Variants in ALMS1 observed in about 807,000 individuals in gnomAD.
ALMS1 encodes the protein centrosome-associated protein ALMS1.
In ALMS1, 271 loss-of-function variants were observed where a neutral mutation model predicts 352.2. The observed-to-expected ratio is 0.77, with a 90% confidence interval of 0.70 to 0.85. The LOEUF is 0.85. Among genes scored for constraint, ALMS1 ranks in the 40% least tolerant of loss-of-function variants. The pLI, the probability that ALMS1 is intolerant of heterozygous loss-of-function variation, is 0.00. For missense variants in ALMS1, 5,445 were observed against 4,870.7 expected, an observed-to-expected ratio of 1.12 and a Z score of -3.51; for synonymous variants, 1,865 against 1,761.2, an observed-to-expected ratio of 1.06 and a Z score of -1.48.
chr2:73,605,313 G>GT (rs1187657154), intron 21 of ALMS1, among the ~76,000 whole-genome samples: 1 of 152,176 alleles, frequency 6.6e-6, no homozygotes, highest in Non-Finnish European at 1.5e-5. Context: ...GAGATAAGCG[G>GT]TGGCATTAAC....
In ALMS1 at chr2:73,550,366, T is replaced by G; in HGVS notation, c.10007T>G (p.Ile3336Ser). 6.2e-7 allele frequency: 1 copy of G among 1,614,156 alleles called. No individual in the cohort carries two copies. The highest frequency in any genetic ancestry group is 8.5e-7 in the Non-Finnish European group (1 of 1,180,024). ...GTTAACATTAAACATAAAGAAGGAA[T>G]CTACAGTAAGAGGGTAGTGACTAAG... is the stretch of plus-strand genomic sequence containing the variant. ...ATVNIKHKEG[I>S]YSKRVVTKAS... Residue 3336 changes from isoleucine (I) to serine (S), a missense_variant, in exon 13 of 23, where the codon ATC becomes AGC. Coordinates refer to ENST00000613296, the MANE Select transcript of ALMS1 (RefSeq NM_001378454.1).
chr2:73,505,073 A>C (rs963643289), intron 10 of ALMS1, among the ~76,000 whole-genome samples: 1 of 152,170 alleles, frequency 6.6e-6, no homozygotes, highest in Non-Finnish European at 1.5e-5. Context: ...TTATGGCTGC[A>C]TAGTATTCCA....
At chr2:73,522,184 C>T (rs1181341907) in intron 11 of ALMS1, among the ~76,000 whole-genome samples, 1 of 152,166 alleles carries the variant, frequency 6.6e-6, no homozygotes, top group Non-Finnish European at 1.5e-5. Context: ...GTCTCAGGTC[C>T]ATCGCCATGT....
chr2:73,590,167 T>TATACAAAC (rs1332966613), intron 16 of ALMS1, among the ~76,000 whole-genome samples: 5 of 152,164 alleles, frequency 3.3e-5, no homozygotes, highest in African/African-American at 1.2e-4. Context: ...TACATTCGTT[T>TATACAAAC]GTTCATTCAT....
In ALMS1 at chr2:73,410,583, G is replaced by T. The variant is rs946149891; in HGVS notation, c.450+1836G>T. Among the ~76,000 whole-genome samples the T allele has an allele frequency of 2.6e-5, 4 of 152,210 alleles. No individual in the cohort carries two copies. The South Asian group carries it at 8.3e-4, about 32-fold the overall frequency. ...TTCATTTGTTGGGATGTATTGTTTTGGTTGAAGTATATGAAGACAATCTTG... is the reference window on the plus strand; with the variant it reads ...TTCATTTGTTGGGATGTATTGTTTTTGTTGAAGTATATGAAGACAATCTTG... On this transcript the variant is annotated intron_variant, in intron 2 of 22. Transcript: ENST00000613296.
intron 13 of ALMS1, among the ~76,000 whole-genome samples, chr2:73,553,392 A>G (rs556958263): frequency 6.6e-6 from 1 of 152,200 alleles, no homozygotes; most frequent in Non-Finnish European, 1.5e-5. Context: ...GCGGTGGTAC[A>G]CAAGGCCTAG....
chr2:73,405,891 A>G (rs923238655), intron 1 of ALMS1, among the ~76,000 whole-genome samples: 14 of 152,198 alleles, frequency 9.2e-5, no homozygotes, highest in Admixed American at 7.2e-4. Context: ...GCTACCTTCT[A>G]GTTTCATTCT....
intron 2 of ALMS1, among the ~76,000 whole-genome samples, chr2:73,415,185 G>A (rs1272646806): frequency 6.6e-6 from 1 of 152,046 alleles, no homozygotes; most frequent in Non-Finnish European, 1.5e-5. Flanking sequence ...AGATTTGTTG[G>A]CCTTTTTATA....
Position 73,386,328 on chromosome 2 carries a change from A to G in ALMS1, c.324+136A>G, listed in dbSNP as rs1670530277. 2.4e-6 allele frequency: 3 copies of G among 1,243,982 alleles called. No individual in the cohort carries two copies. The Admixed American group carries it at 9.8e-5, about 40-fold the overall frequency. 77.1% of individuals were successfully genotyped at this position (1,243,982 alleles called of 1,614,324 possible). ...CAGCTGAGGCTAGTAGGCGGCCCAG[A>G]CTCCAGCCCAGGTGCCGGCCGGCTG... On this transcript the variant is annotated intron_variant, in intron 1 of 22. Coordinates refer to ENST00000613296, the MANE Select transcript of ALMS1 (RefSeq NM_001378454.1).
chr2:73,424,640 G>C lies in ALMS1; in HGVS notation c.975G>C (p.Ser325=). Reference sequence around the variant, plus strand: ...AAGGGAATAATGAAGAGACTATTTCGTCTGTTGATGAACTGAAAATTCCCA... The same window carrying C: ...AAGGGAATAATGAAGAGACTATTTCCTCTGTTGATGAACTGAAAATTCCCA... The part of the protein sequence containing the change: ...SEQGNNEETI[S]SVDELKIPKD... Residue 325 remains serine, a synonymous_variant, in exon 5 of 23, where the codon TCG becomes TCC. Transcript: ENST00000613296. 1 of 1,613,948 alleles carries C rather than the reference G, an allele frequency of 6.2e-7. No homozygotes were observed. The highest frequency in any genetic ancestry group is 1.6e-4 in the Middle Eastern group (1 of 6,062).
chr2:73,606,638 C>A (rs1339174754), intron 21 of ALMS1, among the ~76,000 whole-genome samples: 1 of 152,162 alleles, frequency 6.6e-6, no homozygotes, highest in Non-Finnish European at 1.5e-5. Context: ...TGTGTGGCCT[C>A]TTTTCAAGGG....
intron 12 of ALMS1, among the ~76,000 whole-genome samples, chr2:73,546,204 C>T (rs1246314692): frequency 6.6e-6 from 1 of 152,180 alleles, no homozygotes; most frequent in African/African-American, 2.4e-5. Context: ...TGTATCTCTA[C>T]TTTAGTGAAA....
chr2:73,466,392 C>A (rs1004278879), intron 9 of ALMS1, among the ~76,000 whole-genome samples: 2 of 150,074 alleles, frequency 1.3e-5, no homozygotes, highest in African/African-American at 4.9e-5. Flanking sequence ...GGACAAAAAA[C>A]CAAACACCAC....
rs1572937937 is a variant in ALMS1, at chr2:73,453,050, G to A, written c.6523G>A (p.Ala2175Thr). Residue 2175 changes from alanine (A) to threonine (T), a missense_variant, in exon 8 of 23, where the codon GCT becomes ACT. Transcript: ENST00000613296. ...AAAGATCTCAAGTGCTCTTGGGCAAGCTGATCAAATTACCGGATTACAAAC... is the reference window on the plus strand; with the variant it reads ...AAAGATCTCAAGTGCTCTTGGGCAAACTGATCAAATTACCGGATTACAAAC... ...ALKISSALGQ[A>T]DQITGLQTVP... 6.2e-7 allele frequency: 1 copy of A among 1,613,824 alleles called. No homozygotes were observed. Among genetic ancestry groups the A allele is most frequent in the African/African-American group, 1.3e-5 (1 of 75,064 alleles).
At chr2:73,392,203 T>C (rs949410188) in intron 1 of ALMS1, among the ~76,000 whole-genome samples, 1 of 151,848 alleles carries the variant, frequency 6.6e-6, no homozygotes, top group Admixed American at 6.6e-5. Flanking sequence ...TTAAAAATTA[T>C]TAATTTTAAT....
intron 12 of ALMS1, among the ~76,000 whole-genome samples, chr2:73,540,494 C>T (rs144346130): frequency 0.01 from 1,583 of 152,190 alleles, 38 homozygotes; most frequent in African/African-American, 0.036. Flanking sequence ...GCTAACATCA[C>T]GATGACAGGA....
chr2:73,525,746 G>A (rs1480313271), intron 11 of ALMS1, among the ~76,000 whole-genome samples: 1 of 151,678 alleles, frequency 6.6e-6, no homozygotes, highest in Non-Finnish European at 1.5e-5. Context: ...CTTCAGTGTT[G>A]TTTCCTTTGC....
chr2:73,462,999 A>T (rs1446163251), intron 9 of ALMS1, among the ~76,000 whole-genome samples: 15 of 152,222 alleles, frequency 9.9e-5, no homozygotes, highest in Admixed American at 1.3e-4. Context: ...CTCCCACACA[A>T]TAACAATGGG....
intron 7 of ALMS1, among the ~76,000 whole-genome samples, chr2:73,440,302 G>A (rs190445429): frequency 1.7e-3 from 262 of 152,128 alleles, no homozygotes; most frequent in Non-Finnish European, 3.2e-3. Flanking sequence ...GATTTCTTTG[G>A]GTTTTCCTGT....
Sources: gnomAD v4.1 joint callset for allele counts (sites outside exome capture counted in the v4.1 genomes callset) on GRCh38, gnomAD v4.1.1 for gene constraint, MANE v1.5 for transcripts, NCBI Gene and HGNC (gene_info 2026-07-23, HGNC 2026-07-21) for gene names.